Variants in PWWP3A observed in about 807,000 individuals in gnomAD.
PWWP3A encodes PWWP domain-containing DNA repair factor 3A.
Under a neutral mutation model 79.0 loss-of-function variants are expected in PWWP3A, and 53 were observed. The ratio of observed to expected loss-of-function variants is 0.67; its 90% CI spans 0.54 to 0.84. PWWP3A has a LOEUF of 0.84. Ranked by LOEUF, PWWP3A falls within the 40% of genes least tolerant of loss-of-function variation. The pLI, the probability that PWWP3A is intolerant of heterozygous loss-of-function variation, is 0.00. For synonymous variants in PWWP3A, 443 were observed against 394.4 expected (o/e 1.12, Z -1.46); for missense variants, 973 against 948.0 (o/e 1.03, Z -0.35).
Position 1,370,791 on chromosome 19 carries a change from G to GC in PWWP3A, c.1702dup (p.Arg568ProfsTer55). 6.4e-7 allele frequency: 1 copy of GC among 1,552,326 alleles called. No individual in the cohort carries two copies. The highest frequency in any genetic ancestry group is 8.7e-7 in the Non-Finnish European group (1 of 1,147,120). ...AATGCTCCCCGACCGCTCGCGGGCCGCCCGGGACCGGGCCAACCAGAAGCT... is the reference window on the plus strand; with the variant it reads ...AATGCTCCCCGACCGCTCGCGGGCCGCCCCGGGACCGGGCCAACCAGAAGCT... On this transcript the variant is annotated frameshift_variant, in exon 12 of 14. Transcript: ENST00000591337. LOFTEE classifies it high-confidence loss of function.
At chr19:1,370,207 G>T (rs1211537622) in intron 11 of PWWP3A, among the ~76,000 whole-genome samples, 1 of 152,220 alleles carries the variant, frequency 6.6e-6, no homozygotes, top group Non-Finnish European at 1.5e-5. Context: ...CTGCACTCCA[G>T]CCTGGGTGAC....
chr19:1,355,975 G>A (rs1335290448), intron 1 of PWWP3A, among the ~76,000 whole-genome samples: 1 of 152,102 alleles, frequency 6.6e-6, no homozygotes, highest in Non-Finnish European at 1.5e-5. Flanking sequence ...AATTGGGGAG[G>A]GTTGTGAGCT....
chr19:1,369,752 C>G lies in PWWP3A; in HGVS notation c.1549+106C>G. 1 of 1,224,870 alleles carries G rather than the reference C, an allele frequency of 8.2e-7. No homozygotes were observed. Among genetic ancestry groups the G allele is most frequent in the Non-Finnish European group, 1.2e-6 (1 of 826,462 alleles). 75.9% of individuals were successfully genotyped at this position (1,224,870 alleles called of 1,614,324 possible). ...GGAAGGGGACGTTGGGGTCAAGGCA[C>G]TGTCCGCAGCCACACAGCATTGTTC... is the stretch of plus-strand genomic sequence containing the variant. On this transcript the variant is annotated intron_variant, in intron 11 of 13. Transcript: ENST00000591337. The surrounding 1 kb of genome is among the most constrained non-coding windows in gnomAD (Gnocchi z 4.0).
rs1192859567 is a variant in PWWP3A at position 1,363,825 on chromosome 19, T to C, written c.1214-684T>C. Among the ~76,000 whole-genome samples, 3 of 152,310 alleles carry C rather than the reference T, an allele frequency of 2.0e-5. No homozygotes were observed. The East Asian group carries it at 5.8e-4, about 29-fold the overall frequency. On this transcript the variant is annotated intron_variant, in intron 6 of 13. Transcript: ENST00000591337. ...CTTTTTCTCTGGTCACGTTGGTTAC[T>C]TCATAGGCCTTTAGGTTTTGATCTG...
At chr19:1,375,810 AT>A (rs34880865) in intron 13 of PWWP3A, among the ~76,000 whole-genome samples, 36 of 22,280 alleles carry the variant, frequency 1.6e-3, no homozygotes, top group South Asian at 7.5e-3. Context: ...GTATTTATTT[AT>A]TTTTTTTTTT....
Position 1,369,611 on chromosome 19 carries a change from C to G in PWWP3A, c.1514C>G (p.Ala505Gly). The change falls in exon 11 of 14, where the codon GCT becomes GGT. Residue 505 changes from alanine to glycine, a missense_variant. Ala to Gly is a moderately conservative substitution (Grantham distance 60, BLOSUM62 0). Coordinates refer to ENST00000591337, the MANE Select transcript of PWWP3A (RefSeq NM_001369789.1). This position sits in a 1 kb window ranked among gnomAD's most constrained non-coding sequence, Gnocchi z 4.0. ...CCCCCTGCAGGCTGCGGGTCTTTTG[C>G]TGGCTCTTTCCTGGAATATTACGCG... ...YRVRLGCGSFAGSFLEYYAAD... is the reference protein window; with the variant it reads ...YRVRLGCGSFGGSFLEYYAAD... 6.2e-7 allele frequency: 1 copy of G among 1,614,242 alleles called. No homozygotes were observed. The highest frequency in any genetic ancestry group is 8.5e-7 in the Non-Finnish European group (1 of 1,180,050).
Position 1,364,730 on chromosome 19 carries a change from G to T in PWWP3A, c.1284+151G>T, listed in dbSNP as rs115635691. The stretch of plus-strand genomic sequence containing the variant: ...GAAAAGTTGGTGGGTTTTTAGAAAA[G>T]ACTTCAGGAGATGCCTGTACCTAAA... On this transcript the variant is annotated intron_variant, in intron 7 of 13. Coordinates refer to ENST00000591337, the MANE Select transcript of PWWP3A (RefSeq NM_001369789.1). 2.9e-3 allele frequency: 1,936 copies of T among 672,234 alleles called. 35 individuals carry two copies. In the African/African-American group the frequency reaches 0.032, roughly 11 times the overall value. 41.6% of individuals were successfully genotyped at this position (672,234 alleles called of 1,614,324 possible). A position where few individuals can be genotyped will look rare whatever the true frequency, so the allele number is the denominator to read the frequency against.
In PWWP3A at chr19:1,369,157, C is replaced by T. The variant is rs957080359; in HGVS notation, c.1423-108C>T. 1.2e-5 allele frequency: 12 copies of T among 961,398 alleles called. No homozygotes were observed. In the East Asian group the frequency reaches 1.8e-4, roughly 15 times the overall value. The allele number at this position is 961,398 out of a possible 1,614,324, so 59.6% of individuals were successfully genotyped here. On this transcript the variant is annotated intron_variant, in intron 9 of 13. Transcript: ENST00000591337. The surrounding 1 kb of genome is among the most constrained non-coding windows in gnomAD (Gnocchi z 4.0). ...GGAGGGTCAGAGGTGCGGGCTGGAG[C>T]GTGAGCAGCCTGGACACCTGGCTGG...
intron 13 of PWWP3A, among the ~76,000 whole-genome samples, chr19:1,374,672 T>C (rs2082328469): frequency 6.6e-6 from 1 of 152,196 alleles, no homozygotes; most frequent in African/African-American, 2.4e-5. Context: ...GGTTGCTAGC[T>C]AAGCAATTGT....
Position 1,373,089 on chromosome 19 carries a change from C to T in PWWP3A, c.2004C>T (p.Ile668=). 1.2e-6 allele frequency: 2 copies of T among 1,614,220 alleles called. No individual in the cohort carries two copies. Among genetic ancestry groups the T allele is most frequent in the African/African-American group, 1.3e-5 (1 of 75,074 alleles). ...VLLPEAIICA[I]SAVDEVDYKT... Reference sequence around the variant, plus strand: ...TCTCACAGGCCATCATCTGTGCGATCTCTGCGGTGGACGAGGTGGACTACA... The same window carrying T: ...TCTCACAGGCCATCATCTGTGCGATTTCTGCGGTGGACGAGGTGGACTACA... Residue 668 remains isoleucine (I), a synonymous_variant, in exon 13 of 14, where the codon ATC becomes ATT. Coordinates refer to ENST00000591337, the MANE Select transcript of PWWP3A (RefSeq NM_001369789.1).
Position 1,369,599 on chromosome 19 carries a change from G to T in PWWP3A, c.1502G>T (p.Cys501Phe), listed in dbSNP as rs2082206895. 6.2e-7 allele frequency: 1 copy of T among 1,614,110 alleles called. No individual in the cohort carries two copies. ...CTCTCCCCTCCACCCCCTGCAGGCT[G>T]CGGGTCTTTTGCTGGCTCTTTCCTG... ...LITDYRVRLG[C>F]GSFAGSFLEY... The change falls in exon 11 of 14, where the codon TGC (cysteine) becomes TTC (phenylalanine). Residue 501 changes from cysteine to phenylalanine, a missense_variant. By Grantham distance (205) the Cys-to-Phe change is radical. Coordinates refer to ENST00000591337, the MANE Select transcript of PWWP3A (RefSeq NM_001369789.1). This position sits in a 1 kb window ranked among gnomAD's most constrained non-coding sequence, Gnocchi z 4.0.
intron 13 of PWWP3A, chr19:1,374,244 C>T (rs1374954668): frequency 6.6e-6 from 1 of 152,144 alleles, no homozygotes; most frequent in Non-Finnish European, 1.5e-5. Flanking sequence ...TTCATCACAG[C>T]TTCCAGTTGC....
At chr19:1,367,798 T>C (rs1466091896) in intron 9 of PWWP3A, among the ~76,000 whole-genome samples, 2 of 152,210 alleles carry the variant, frequency 1.3e-5, no homozygotes, top group East Asian at 1.9e-4. Context: ...CTATTTCCCC[T>C]CTGGAAATAC....
Position 1,360,385 on chromosome 19 carries a change from G to A in PWWP3A, c.464G>A (p.Cys155Tyr). Reference protein sequence around the residue: ...GSSRPHRRRPCVQQSLSSSFT... With the variant: ...GSSRPHRRRPYVQQSLSSSFT... The stretch of plus-strand genomic sequence containing the variant: ...TCCAGACCTCACAGGAGGAGGCCAT[G>A]TGTGCAACAAAGCCTGTCAAGTTCG... Residue 155 changes from cysteine to tyrosine, a missense_variant, in exon 5 of 14, where the codon TGT becomes TAT. Transcript: ENST00000591337. The surrounding 1 kb of genome is among the most constrained non-coding windows in gnomAD (Gnocchi z 4.4). 6.2e-7 allele frequency: 1 copy of A among 1,614,140 alleles called. No individual in the cohort carries two copies. The highest frequency in any genetic ancestry group is 1.1e-5 in the South Asian group (1 of 91,088).
rs1205548221 is a variant in PWWP3A, at chr19:1,377,983, C to G, written c.*1407C>G. On this transcript the variant is annotated 3_prime_UTR_variant, in exon 14 of 14. Coordinates refer to ENST00000591337, the MANE Select transcript of PWWP3A (RefSeq NM_001369789.1). ...CAGAGGCGGCGGCTGCTCTGGACCT[C>G]GGTGTTCACTGACCTTTGTTTCACT... The G allele has an allele frequency of 6.6e-6, 1 of 152,266 alleles. No homozygotes were observed. Among genetic ancestry groups the G allele is most frequent in the Non-Finnish European group, 1.5e-5 (1 of 68,082 alleles). 9.4% of individuals were successfully genotyped at this position (152,266 alleles called of 1,614,324 possible). A position where few individuals can be genotyped will look rare whatever the true frequency, so the allele number is the denominator to read the frequency against.
chr19:1,361,876 G>T (rs1437312763), intron 5 of PWWP3A: 2 of 218,558 alleles, frequency 9.2e-6, no homozygotes, highest in Non-Finnish European at 1.9e-5. Context: ...GTCAGCTCCT[G>T]TCCTGGCCCC....
chr19:1,368,825 G>A lies in PWWP3A; in HGVS notation c.1423-440G>A, dbSNP rs150654437. On this transcript the variant is annotated intron_variant, in intron 9 of 13. Coordinates refer to ENST00000591337, the MANE Select transcript of PWWP3A (RefSeq NM_001369789.1). The surrounding 1 kb of genome is among the most constrained non-coding windows in gnomAD (Gnocchi z 4.7). ...GGGGAGGTGTTTGCACCGTCGATGC[G>A]TTCAGACCAGCCCAAGCCTTCGGGT... Among the ~76,000 whole-genome samples the A allele has an allele frequency of 1.3e-5, 2 of 150,016 alleles. No homozygotes were observed. The highest frequency in any genetic ancestry group is 2.5e-5 in the African/African-American group (1 of 40,362).
At chr19:1,374,423 A>AC (rs2082322009) in intron 13 of PWWP3A, 1 of 152,218 alleles carries the variant, frequency 6.6e-6, no homozygotes, top group Non-Finnish European at 1.5e-5. Flanking sequence ...TGGGTCACAC[A>AC]CTGGGCGTCC....
chr19:1,371,373 G>C, intron 12 of PWWP3A: 1 of 703,306 alleles, frequency 1.4e-6, no homozygotes, highest in Non-Finnish European at 2.6e-6. Flanking sequence ...GCGCACAGAT[G>C]CTTCCCAGCC....
Sources: gnomAD v4.1 joint callset for allele counts (sites outside exome capture counted in the v4.1 genomes callset) on GRCh38, gnomAD v4.1.1 for gene constraint, Gnocchi (gnomAD v3.1) non-coding constraint, MANE v1.5 for transcripts, NCBI Gene and HGNC (gene_info 2026-07-23, HGNC 2026-07-21) for gene names.